Variants in KCNK16 observed in about 807,000 individuals in gnomAD.
KCNK16 encodes potassium two pore domain channel subfamily K member 16.
KCNK16 carries 23 observed loss-of-function variants against 23.0 expected under a neutral mutation model. The ratio of observed to expected loss-of-function variants is 1.00; its 90% CI spans 0.72 to 1.41. The LOEUF (loss-of-function observed/expected upper bound fraction) is 1.41. Among genes scored for constraint, KCNK16 ranks in the 40% most tolerant of loss-of-function variants. KCNK16 has a pLI of 0.00. For synonymous variants in KCNK16, 145 were observed against 153.5 expected (o/e 0.94, Z 0.41); for missense variants, 327 against 365.8 (o/e 0.89, Z 0.87).
chr6:39,315,428 T>TCA, downstream of KCNK16: 1 of 1,549,526 alleles, frequency 6.5e-7, no homozygotes, highest in East Asian at 2.4e-5. Context: ...GTTAAGGGGG[T>TCA]GGCCTGTGAG....
Position 39,317,937 on chromosome 6 carries a change from G to C in KCNK16, c.344C>G (p.Ala115Gly). The C allele has an allele frequency of 6.2e-7, 1 of 1,607,488 alleles. No homozygotes were observed. The highest frequency in any genetic ancestry group is 8.5e-7 in the Non-Finnish European group (1 of 1,176,640). ...VVTTIGYGNL[A>G]PSTEAGQVFC... Reference sequence around the variant, plus strand: ...GACCTGACCTGCCTCTGTGCTGGGTGCCAGGTTCCCATATCCTGCAAGGGA... The same window carrying C: ...GACCTGACCTGCCTCTGTGCTGGGTCCCAGGTTCCCATATCCTGCAAGGGA... The change falls in exon 3 of 5, where the codon GCA (alanine) becomes GGA (glycine). Residue 115 changes from alanine to glycine, a missense_variant. Ala to Gly is a moderately conservative substitution (Grantham distance 60). Coordinates refer to ENST00000437525, the MANE Select transcript of KCNK16 (RefSeq NM_001135106.2).
At chr6:39,322,710 C>T, upstream of KCNK16, 10 of 1,059,566 alleles carry the variant, frequency 9.4e-6, no homozygotes, top group Non-Finnish European at 1.3e-5. Context: ...TGCGGCTCAG[C>T]TTGGCTGCAC....
chr6:39,318,880 G>A (rs1762416647), intron 2 of KCNK16, 139 bp downstream of exon 2: 2 of 630,584 alleles, frequency 3.2e-6, no homozygotes, highest in African/African-American at 1.8e-5. Context: ...TCTCCCTACT[G>A]TTTCACTTAC....
intron 1 of KCNK16, among the ~76,000 whole-genome samples, chr6:39,320,347 G>A (rs971128946): frequency 1.3e-5 from 2 of 152,174 alleles, no homozygotes; most frequent in Non-Finnish European, 2.9e-5. Flanking sequence ...CCTCACTTCT[G>A]GGGGCAGTAC....
In KCNK16 at chr6:39,322,469, G is replaced by A. The variant is rs762344377; in HGVS notation, c.72C>T (p.Tyr24=). ...VLPLLLAYVC[Y]LLLGATIFQL... is the part of the protein sequence containing the mutation. The stretch of plus-strand genomic sequence containing the variant: ...GGAAGATAGTGGCACCGAGCAGCAG[G>A]TAGCAGACATAGGCCAGCAGCAGGG... The change falls in exon 1 of 5, where the codon TAC becomes TAT. Residue 24 remains tyrosine, a synonymous_variant. Transcript: ENST00000437525. 1.9e-6 allele frequency: 3 copies of A among 1,613,974 alleles called. No individual in the cohort carries two copies. The South Asian group carries it at 3.3e-5, about 18-fold the overall frequency.
intron 3 of KCNK16, 104 bp downstream of exon 3, chr6:39,317,682 C>G: frequency 7.7e-7 from 1 of 1,302,224 alleles, no homozygotes; most frequent in Non-Finnish European, 1.0e-6. Context: ...GGCATCTACC[C>G]CTAACACCAT....
chr6:39,315,341 A>T, downstream of KCNK16: 1 of 1,552,108 alleles, frequency 6.4e-7, no homozygotes, highest in Non-Finnish European at 8.7e-7. Context: ...GGATCCTGGG[A>T]TCTGCTGGCT....
chr6:39,317,732 T>C, intron 3 of KCNK16, 54 bp downstream of exon 3: 6 of 1,479,040 alleles, frequency 4.1e-6, no homozygotes, highest in Non-Finnish European at 5.4e-6. Context: ...TCTGGGGAAC[T>C]CCACTTGCAA....
downstream of KCNK16, chr6:39,314,860 A>T (rs1469772758): frequency 2.4e-6 from 2 of 833,356 alleles, no homozygotes; most frequent in African/African-American, 3.4e-5. Flanking sequence ...ACCCCAGCTG[A>T]TTGCCACTTG....
At chr6:39,320,963 A>G (rs1762493140) in intron 1 of KCNK16, among the ~76,000 whole-genome samples, 1 of 152,154 alleles carries the variant, frequency 6.6e-6, no homozygotes, top group Non-Finnish European at 1.5e-5. Flanking sequence ...AACCTTATCC[A>G]TCAGGGAGAA....
downstream of KCNK16, chr6:39,314,963 G>A: frequency 6.6e-7 from 1 of 1,522,662 alleles, no homozygotes; most frequent in East Asian, 2.3e-5. Context: ...TACCTGGAGT[G>A]GAGGAAGCGT....
At position 39,316,284 on chromosome 6, in the gene KCNK16, T is replaced by A; in HGVS notation, c.820A>T (p.Lys274Ter). ...LWLLSRGLGVKDGAASDPSGL... is the reference protein window; with the variant it reads ...LWLLSRGLGV ...CTGGGGTCAGAGGCTGCCCCATCCT[T>A]GACGCCGAGGCCCCTACTGAGCAGC... Residue 274 changes from lysine (K) to a stop codon, truncating the protein, a stop_gained, in exon 5 of 5, where the codon AAG becomes TAG. Coordinates refer to ENST00000437525, the MANE Select transcript of KCNK16 (RefSeq NM_001135106.2). LOFTEE classifies it high-confidence loss of function. 2 of 1,596,718 alleles carry A rather than the reference T, an allele frequency of 1.3e-6. No homozygotes were observed. Among genetic ancestry groups the A allele is most frequent in the South Asian group, 2.3e-5 (2 of 87,806 alleles).
chr6:39,317,792 G>A lies in KCNK16; in HGVS notation c.489C>T (p.Arg163=). The change falls in exon 3 of 5, where the codon CGC becomes CGT. Residue 163 remains arginine (R), a synonymous_variant. Transcript: ENST00000437525. ...AGGGAGTTAGGGGGCATACCTGGGA[G>A]CGCCTGGGACGGTCCTCCCATCTTT... ...AIERWEDRPR[R]SQVLQVLGLA... The A allele has an allele frequency of 6.3e-7, 1 of 1,592,878 alleles. No individual in the cohort carries two copies. The highest frequency in any genetic ancestry group is 8.5e-7 in the Non-Finnish European group (1 of 1,169,710).
chr6:39,322,549 C>G lies in KCNK16; in HGVS notation c.-9G>C. The G allele has an allele frequency of 6.3e-7, 1 of 1,584,192 alleles. No homozygotes were observed. Among genetic ancestry groups the G allele is most frequent in the Non-Finnish European group, 8.6e-7 (1 of 1,169,192 alleles). On this transcript the variant is annotated 5_prime_UTR_variant, in exon 1 of 5. Coordinates refer to ENST00000437525, the MANE Select transcript of KCNK16 (RefSeq NM_001135106.2). ...AGCCCAGCACTGGGCATGCTGTGGC[C>G]AGGACCCTGCCAGGGCCGTGGGGCT...
At chr6:39,321,672 G>A (rs1488056010) in intron 1 of KCNK16, among the ~76,000 whole-genome samples, 1 of 152,208 alleles carries the variant, frequency 6.6e-6, no homozygotes, top group Non-Finnish European at 1.5e-5. Flanking sequence ...TCTTGTTTCT[G>A]GGAAAGAGGA....
At chr6:39,315,454 T>C (rs1292568202), downstream of KCNK16, 3 of 1,536,922 alleles carry the variant, frequency 2.0e-6, no homozygotes, top group Admixed American at 4.0e-5. Context: ...GGGGAGGCCA[T>C]GTTCAGGAAA....
In KCNK16 at chr6:39,322,566, C is replaced by CA; in HGVS notation, c.-27_-26insT. The CA allele has an allele frequency of 1.3e-6, 2 of 1,561,622 alleles. No homozygotes were observed. The highest frequency in any genetic ancestry group is 1.7e-6 in the Non-Finnish European group (2 of 1,158,178). On this transcript the variant is annotated 5_prime_UTR_variant, in exon 1 of 5. Coordinates refer to ENST00000437525, the MANE Select transcript of KCNK16 (RefSeq NM_001135106.2). ...GCTGTGGCCAGGACCCTGCCAGGGC[C>CA]GTGGGGCTGGCTATGGGGGAGAGGT... is the stretch of plus-strand genomic sequence containing the variant.
At position 39,322,636 on chromosome 6, in the gene KCNK16, T is replaced by A. The variant is rs1187204203; in HGVS notation, c.-96A>T. 1.4e-6 allele frequency: 2 copies of A among 1,469,628 alleles called. No homozygotes were observed. Among genetic ancestry groups the A allele is most frequent in the African/African-American group, 2.8e-5 (2 of 71,266 alleles). 91.0% of individuals were successfully genotyped at this position (1,469,628 alleles called of 1,614,324 possible). A position where few individuals can be genotyped will look rare whatever the true frequency, so the allele number is the denominator to read the frequency against. Reference sequence around the variant, plus strand: ...AGCACCTAGGGGCCTGTGCCCAGGCTGCCGCCTGCCCTGCCCTCCTCCTCG... The same window carrying A: ...AGCACCTAGGGGCCTGTGCCCAGGCAGCCGCCTGCCCTGCCCTCCTCCTCG... On this transcript the variant is annotated 5_prime_UTR_variant, in exon 1 of 5. Transcript: ENST00000437525.
At position 39,319,767 on chromosome 6, in the gene KCNK16, GT is replaced by G. The variant is rs1352207639; in HGVS notation, c.214-635del. 7.2e-5 allele frequency among the ~76,000 whole-genome samples: 11 copies of G among 151,892 alleles called. No individual in the cohort carries two copies. The highest frequency in any genetic ancestry group is 2.7e-4 in the African/African-American group (11 of 41,378). On this transcript the variant is annotated intron_variant, in intron 1 of 4. Coordinates refer to ENST00000437525, the MANE Select transcript of KCNK16 (RefSeq NM_001135106.2). The surrounding 1 kb of genome is among the most constrained non-coding windows in gnomAD (Gnocchi z 4.2). Reference sequence around the variant, plus strand: ...TGTGAGTGTGTGTGTGTGTGTGTGTGTGTGTGTGGTGGTTGTTTATATGTGA... The same window carrying G: ...TGTGAGTGTGTGTGTGTGTGTGTGTGGTGTGTGGTGGTTGTTTATATGTGA...
Sources: gnomAD v4.1 joint callset for allele counts (sites outside exome capture counted in the v4.1 genomes callset) on GRCh38, gnomAD v4.1.1 for gene constraint, Gnocchi (gnomAD v3.1) non-coding constraint, MANE v1.5 for transcripts, NCBI Gene and HGNC (gene_info 2026-07-23, HGNC 2026-07-21) for gene names.